RALGPS1: variants seen among roughly 807,000 people sequenced by gnomAD.
RALGPS1 encodes Ral GEF with PH domain and SH3 binding motif 1, also known as ras-specific guanine nucleotide-releasing factor RalGPS1.
RALGPS1 carries 19 observed loss-of-function variants against 78.8 expected under a neutral mutation model. That is an observed-to-expected ratio of 0.24 (90% CI 0.17 to 0.35). The LOEUF (loss-of-function observed/expected upper bound fraction) is 0.35. Ranked by LOEUF, RALGPS1 falls within the 10% of genes least tolerant of loss-of-function variation. The probability of loss-of-function intolerance (pLI) is 1.00; values close to 1 mark genes in which losing one functional copy is unlikely to be tolerated. For synonymous variants in RALGPS1, 228 were observed against 256.3 expected, an observed-to-expected ratio of 0.89 and a Z score of 1.06; for missense variants, 454 against 688.3, an observed-to-expected ratio of 0.66 and a Z score of 3.81.
intron 8 of RALGPS1, among the ~76,000 whole-genome samples, chr9:127,132,377 T>C (rs748155856): frequency 6.6e-6 from 1 of 152,262 alleles, no homozygotes; most frequent in Non-Finnish European, 1.5e-5. Context: ...AAATTACTTC[T>C]GTGAATTATC....
chr9:127,183,835 C>A lies in RALGPS1; in HGVS notation c.910+9053C>A. ...ATAGGAGGCCAGTTGTGGCCCATTA[C>A]TCTGGGATTTCACATCTCCTTTGTT... On this transcript the variant is annotated intron_variant, in intron 11 of 18. Transcript: ENST00000259351. This position sits in a 1 kb window ranked among gnomAD's most constrained non-coding sequence, Gnocchi z 4.0. The A allele has an allele frequency of 6.5e-7, 1 of 1,531,180 alleles. No homozygotes were observed. The highest frequency in any genetic ancestry group is 8.8e-7 in the Non-Finnish European group (1 of 1,137,388). The allele number at this position is 1,531,180 out of a possible 1,614,324, so 94.8% of individuals were successfully genotyped here.
At chr9:127,207,575 TCTGGC>T (rs1432621054) in intron 14 of RALGPS1, among the ~76,000 whole-genome samples, 5 of 152,250 alleles carry the variant, frequency 3.3e-5, no homozygotes, top group African/African-American at 1.2e-4. Context: ...TTTTGCATTT[TCTGGC>T]CCTGAACATT....
chr9:127,124,321 G>C (rs909647248), intron 8 of RALGPS1, among the ~76,000 whole-genome samples: 1 of 152,226 alleles, frequency 6.6e-6, no homozygotes. Flanking sequence ...AAGAAGTCCA[G>C]CTAGAGGCCA....
intron 1 of RALGPS1, among the ~76,000 whole-genome samples, chr9:126,957,400 A>G (rs758588910): frequency 4.6e-5 from 7 of 152,192 alleles, no homozygotes; most frequent in Non-Finnish European, 1.0e-4. Context: ...GAAGAGCTAC[A>G]GAGTGCCAGG....
chr9:127,027,096 C>T (rs1378627274), intron 4 of RALGPS1, among the ~76,000 whole-genome samples: 2 of 152,176 alleles, frequency 1.3e-5, no homozygotes, highest in African/African-American at 4.8e-5. Flanking sequence ...GTAGCCCCTT[C>T]CTGGCATAGT....
At chr9:127,217,457 G>A (rs950130809) in intron 18 of RALGPS1, 18 of 985,144 alleles carry the variant, frequency 1.8e-5, no homozygotes, top group Non-Finnish European at 2.0e-5. Flanking sequence ...AGGAAACATC[G>A]CAGTGACTAG....
chr9:126,960,672 C>CAATTATCCAGGCAA (rs1307050823), intron 1 of RALGPS1, among the ~76,000 whole-genome samples: 2 of 152,182 alleles, frequency 1.3e-5, no homozygotes, highest in Non-Finnish European at 2.9e-5. Flanking sequence ...GAGCCAACTG[C>CAATTATCCAGGCAA]AATTATCCAG....
At chr9:126,937,735 G>T (rs1041319859) in intron 1 of RALGPS1, among the ~76,000 whole-genome samples, 1 of 152,198 alleles carries the variant, frequency 6.6e-6, no homozygotes, top group South Asian at 2.1e-4. Context: ...ACACTTCTCA[G>T]AAGTTTTACA....
intron 1 of RALGPS1, among the ~76,000 whole-genome samples, chr9:126,924,950 A>G (rs1191684347): frequency 6.6e-6 from 1 of 151,836 alleles, no homozygotes; most frequent in East Asian, 1.9e-4. Context: ...ACGTGGAGAA[A>G]CCCCGTCTCT....
chr9:127,018,212 CAAACAAAACA>C (rs376104224), intron 4 of RALGPS1, among the ~76,000 whole-genome samples: 1 of 151,338 alleles, frequency 6.6e-6, no homozygotes, highest in East Asian at 2.0e-4. Context: ...GACTCCGTCT[CAAACAAAACA>C]AAACAAAACA....
chr9:126,958,142 A>AAATATATATATATATATATATAT (rs113413659), intron 1 of RALGPS1, among the ~76,000 whole-genome samples: 2 of 77,106 alleles, frequency 2.6e-5, no homozygotes, highest in South Asian at 1.0e-3. Flanking sequence ...AAAAAAAAAA[A>AAATATATATATATATATATATAT]ATATATATAT....
intron 1 of RALGPS1, among the ~76,000 whole-genome samples, chr9:126,952,650 A>AGTGTGTGTGT (rs1486310137): frequency 7.0e-5 from 5 of 71,144 alleles, no homozygotes; most frequent in East Asian, 1.0e-3. Context: ...AGAGAGAGAG[A>AGTGTGTGTGT]GAGAGAGTGT....
intron 7 of RALGPS1, among the ~76,000 whole-genome samples, chr9:127,056,296 C>T (rs2048742169): frequency 1.3e-5 from 2 of 152,170 alleles, no homozygotes; most frequent in Admixed American, 1.3e-4. Context: ...GAGCCACTTA[C>T]CAGAGCAAAA....
At chr9:126,957,379 G>A (rs1286931689) in intron 1 of RALGPS1, among the ~76,000 whole-genome samples, 1 of 149,334 alleles carries the variant, frequency 6.7e-6, no homozygotes, top group African/African-American at 2.4e-5. Flanking sequence ...CCATGTCTGG[G>A]CTCCCCTTGG....
At chr9:126,931,650 G>A (rs2035799951) in intron 1 of RALGPS1, among the ~76,000 whole-genome samples, 1 of 152,154 alleles carries the variant, frequency 6.6e-6, no homozygotes, top group African/African-American at 2.4e-5. Flanking sequence ...GATGGGTTGG[G>A]TACAGGATTT....
At position 127,091,287 on chromosome 9, in the gene RALGPS1, C is replaced by T. The variant is rs1032893319; in HGVS notation, c.610+21931C>T. Among the ~76,000 whole-genome samples, 1 of 152,222 alleles carries T rather than the reference C, an allele frequency of 6.6e-6. No homozygotes were observed. The highest frequency in any genetic ancestry group is 6.5e-5 in the Admixed American group (1 of 15,280). On this transcript the variant is annotated intron_variant, in intron 8 of 18. Transcript: ENST00000259351. The surrounding 1 kb of genome is among the most constrained non-coding windows in gnomAD (Gnocchi z 4.3). ...AGGAGGTGGGGCCAGCACTGGAGCCCAGGTGTGTGGCCCAGAGCCTACGCA... is the reference window on the plus strand; with the variant it reads ...AGGAGGTGGGGCCAGCACTGGAGCCTAGGTGTGTGGCCCAGAGCCTACGCA...
chr9:126,950,894 G>T (rs1245166798), intron 1 of RALGPS1, among the ~76,000 whole-genome samples: 2 of 150,456 alleles, frequency 1.3e-5, no homozygotes, highest in African/African-American at 4.9e-5. Context: ...TTTTTTGAAA[G>T]GATCAACAAA....
intron 14 of RALGPS1, among the ~76,000 whole-genome samples, chr9:127,200,757 TC>T (rs1376069490): frequency 6.6e-6 from 1 of 152,226 alleles, no homozygotes; most frequent in Non-Finnish European, 1.5e-5. Context: ...TCTAGAACTC[TC>T]AGCATCAGTC....
intron 8 of RALGPS1, among the ~76,000 whole-genome samples, chr9:127,131,630 T>C (rs1224887694): frequency 6.6e-6 from 1 of 152,180 alleles, no homozygotes; most frequent in Non-Finnish European, 1.5e-5. Context: ...ATGGGCCTGT[T>C]TGACCCGGAG....
Sources: allele counts gnomAD v4.1 joint callset (sites outside exome capture counted in the v4.1 genomes callset), GRCh38; gene constraint gnomAD v4.1.1; non-coding constraint Gnocchi (gnomAD v3.1); transcripts MANE v1.5; gene names NCBI Gene and HGNC (gene_info 2026-07-23, HGNC 2026-07-21).